Variants in POU6F1 observed in about 807,000 individuals in gnomAD.
The protein encoded by POU6F1 is POU domain, class 6, transcription factor 1.
POU6F1 carries 9 observed loss-of-function variants against 28.9 expected under a neutral mutation model. The observed-to-expected ratio is 0.31, with a 90% CI of 0.19 to 0.54. The LOEUF (loss-of-function observed/expected upper bound fraction) is 0.54, where lower values mean the gene tolerates loss of function less well. Ranked by LOEUF, POU6F1 falls within the 20% of genes least tolerant of loss-of-function variation. The pLI, the probability that POU6F1 is intolerant of heterozygous loss-of-function variation, is 0.94. For missense variants in POU6F1, 338 were observed against 426.1 expected (o/e 0.79, Z 1.82); for synonymous variants, 173 against 171.1 (o/e 1.01, Z -0.09).
At chr12:51,204,584 G>A (rs1943452570) in intron 2 of POU6F1, among the ~76,000 whole-genome samples, 1 of 152,190 alleles carries the variant, frequency 6.6e-6, no homozygotes, top group African/African-American at 2.4e-5. Flanking sequence ...AGGCCCTGGT[G>A]ACAGGGAGAA....
In POU6F1 at chr12:51,190,026, C is replaced by T. The variant is rs987208824; in HGVS notation, c.*221G>A. The T allele has an allele frequency of 7.8e-6, 6 of 770,850 alleles. No homozygotes were observed. The highest frequency in any genetic ancestry group is 1.8e-5 in the African/African-American group (1 of 56,936). The allele number at this position is 770,850 out of a possible 1,614,324, so 47.8% of individuals were successfully genotyped here. Reference sequence around the variant, plus strand: ...ATCCTCTTCTTCGGAGTGACCAGCCCAGAGCCTGGAGCTCTCGTGTGGCCC... The same window carrying T: ...ATCCTCTTCTTCGGAGTGACCAGCCTAGAGCCTGGAGCTCTCGTGTGGCCC... On this transcript the variant is annotated 3_prime_UTR_variant, in exon 11 of 11. Coordinates refer to ENST00000333640, the MANE Select transcript of POU6F1 (RefSeq NM_001330422.2). This position sits in a 1 kb window ranked among gnomAD's most constrained non-coding sequence, Gnocchi z 4.5.
chr12:51,194,658 A>AAAAAAAG (rs745776880), intron 8 of POU6F1, among the ~76,000 whole-genome samples: 1 of 146,326 alleles, frequency 6.8e-6, no homozygotes. Context: ...AAAAAAAAAA[A>AAAAAAAG]GCTCATCTGG....
At chr12:51,208,666 A>C (rs1943787392) in intron 1 of POU6F1, among the ~76,000 whole-genome samples, 1 of 152,160 alleles carries the variant, frequency 6.6e-6, no homozygotes, top group Admixed American at 6.5e-5. Flanking sequence ...TGCCCATATA[A>C]AAAAGAACCA....
rs2137085636 is a variant in POU6F1, at chr12:51,190,491, T to C, written c.1592A>G (p.Gln531Arg). The change falls in exon 11 of 11, where the codon CAG becomes CGG. Residue 531 changes from glutamine to arginine, a missense_variant. Physicochemically the swap from Gln to Arg is conservative, Grantham distance 43 (BLOSUM62 1). Transcript: ENST00000333640. This position sits in a 1 kb window ranked among gnomAD's most constrained non-coding sequence, Gnocchi z 4.5. The stretch of plus-strand genomic sequence containing the variant: ...GCCTCCCACAAACTCCATCAGGTTC[T>C]GCTGGCCTTCCTGGTTCCGCAGTTC... ...EAELRNQEGQ[Q>R]NLMEFVGGEP... is the part of the protein sequence containing the mutation. 6.2e-7 allele frequency: 1 copy of C among 1,614,204 alleles called. No homozygotes were observed. Among genetic ancestry groups the C allele is most frequent in the Non-Finnish European group, 8.5e-7 (1 of 1,180,030 alleles).
Position 51,189,203 on chromosome 12 carries a change from C to T in POU6F1, c.*1044G>A, listed in dbSNP as rs1942237708. ...CCTTCCTGGGCTCCATCATTTATTT[C>T]AGGATGTTGTCCTTTCCCCCAGGGC... On this transcript the variant is annotated 3_prime_UTR_variant, in exon 11 of 11. Coordinates refer to ENST00000333640, the MANE Select transcript of POU6F1 (RefSeq NM_001330422.2). 6.6e-6 allele frequency: 1 copy of T among 152,200 alleles called. No homozygotes were observed. Among genetic ancestry groups the T allele is most frequent in the Non-Finnish European group, 1.5e-5 (1 of 68,042 alleles). 9.4% of individuals were successfully genotyped at this position (152,200 alleles called of 1,614,324 possible).
chr12:51,212,080 T>G (rs1233241474), intron 1 of POU6F1, among the ~76,000 whole-genome samples: 1 of 148,444 alleles, frequency 6.7e-6, no homozygotes, highest in Non-Finnish European at 1.5e-5. Context: ...TTTTGTTTTT[T>G]TTGTTTTGTT....
chr12:51,197,221 T>A (rs1159088686), intron 6 of POU6F1, among the ~76,000 whole-genome samples: 2 of 150,284 alleles, frequency 1.3e-5, no homozygotes, highest in African/African-American at 2.5e-5. Flanking sequence ...GGCTGGATGG[T>A]TTCCAGGGCT....
Position 51,196,166 on chromosome 12 carries a change from C to T in POU6F1, c.983G>A (p.Gly328Glu). 1 of 1,513,296 alleles carries T rather than the reference C, an allele frequency of 6.6e-7. No individual in the cohort carries two copies. The highest frequency in any genetic ancestry group is 8.8e-7 in the Non-Finnish European group (1 of 1,133,658). 93.7% of individuals were successfully genotyped at this position (1,513,296 alleles called of 1,614,324 possible). The change falls in exon 8 of 11, where the codon GGA becomes GAA. Residue 328 changes from glycine (G) to glutamate (E), a missense_variant. Physicochemically the swap from Gly to Glu is moderately conservative, Grantham distance 98. Coordinates refer to ENST00000333640, the MANE Select transcript of POU6F1 (RefSeq NM_001330422.2). Reference sequence around the variant, plus strand: ...TGAGTTCACTACCCATGGAAGGGTTCCAATAACCTGGGAGGAAATAAGGCA... The same window carrying T: ...TGAGTTCACTACCCATGGAAGGGTTTCAATAACCTGGGAGGAAATAAGGCA... ...ILTNAQGQVI[G>E]TLPWVVNSAS...
intron 6 of POU6F1, 94 bp downstream of exon 6, chr12:51,197,676 G>A (rs1942927640): frequency 2.5e-6 from 1 of 398,852 alleles, no homozygotes; most frequent in South Asian, 1.3e-4. Context: ...GTTTTCGGGG[G>A]GGGCTCGTCC....
At chr12:51,196,743 C>G in intron 7 of POU6F1, 56 bp downstream of exon 7, 1 of 1,600,076 alleles carries the variant, frequency 6.2e-7, no homozygotes, top group Non-Finnish European at 8.6e-7. Context: ...TGGCCGCCAT[C>G]CCCTGGCCAG....
At chr12:51,195,567 G>T (rs995519589) in intron 8 of POU6F1, among the ~76,000 whole-genome samples, 1 of 152,134 alleles carries the variant, frequency 6.6e-6, no homozygotes, top group East Asian at 1.9e-4. Context: ...TCAAAGCCAC[G>T]GTGCAGAGTG....
chr12:51,208,110 C>A (rs1390293720), intron 1 of POU6F1, among the ~76,000 whole-genome samples: 46 of 136,476 alleles, frequency 3.4e-4, no homozygotes, highest in African/African-American at 3.3e-4. Flanking sequence ...CTGTCTGTAC[C>A]AAAAAAAAAA....
rs767941840 is a variant in POU6F1, at chr12:51,196,081, C to G, written c.1068G>C (p.Gln356His). The change falls in exon 8 of 11, where the codon CAG (glutamine) becomes CAC (histidine). Residue 356 changes from glutamine (Q) to histidine (H), a missense_variant. Gln to His is a conservative substitution (Grantham distance 24). This residue lies in a region of POU6F1 where 206 missense variants were observed against 225.6 expected (regional missense o/e 0.91). Transcript: ENST00000333640. ...CCTGGCCCTGGGCGTTCAACAACAG[C>G]TGGGGGGTCACGGCCTGGACCTGCA... ...QSLQVQAVTP[Q>H]LLLNAQGQVI... 13 of 1,606,652 alleles carry G rather than the reference C, an allele frequency of 8.1e-6. No individual in the cohort carries two copies. Among genetic ancestry groups the G allele is most frequent in the Non-Finnish European group, 1.0e-5 (12 of 1,177,224 alleles).
At position 51,194,507 on chromosome 12, in the gene POU6F1, G is replaced by A. The variant is rs143100243; in HGVS notation, c.1179+1463C>T. Among the ~76,000 whole-genome samples, 227 of 152,062 alleles carry A rather than the reference G, an allele frequency of 1.5e-3. 2 individuals are homozygous for A. Among genetic ancestry groups the A allele is most frequent in the African/African-American group, 5.2e-3 (215 of 41,504 alleles). On this transcript the variant is annotated intron_variant, in intron 8 of 10. Coordinates refer to ENST00000333640, the MANE Select transcript of POU6F1 (RefSeq NM_001330422.2). ...CATACAAAAATTAGCCAGGTGTGGT[G>A]GTGCACACCTGTAGTCCCAGCTACC...
At position 51,195,943 on chromosome 12, in the gene POU6F1, ACCCCCCACCC is replaced by A; in HGVS notation, c.1179+17_1179+26del. 1 of 155,028 alleles carries A rather than the reference ACCCCCCACCC, an allele frequency of 6.5e-6. No individual in the cohort carries two copies. 9.6% of individuals were successfully genotyped at this position (155,028 alleles called of 1,614,324 possible). On this transcript the variant is annotated intron_variant, in intron 8 of 10. Transcript: ENST00000333640. ...GGTGCCAGATAGCAGAGCCTGCCCC[ACCCCCCACCC>A]CCCCCAGCCCCTGTACCTCACTCTT...
intron 1 of POU6F1, among the ~76,000 whole-genome samples, chr12:51,212,863 TAA>T (rs1359303531): frequency 6.6e-6 from 1 of 151,114 alleles, no homozygotes; most frequent in Non-Finnish European, 1.5e-5. Context: ...ACAGTATGCT[TAA>T]GTTTCATGGT....
chr12:51,214,161 A>T (rs1019174626), intron 1 of POU6F1, among the ~76,000 whole-genome samples: 3 of 151,656 alleles, frequency 2.0e-5, no homozygotes, highest in African/African-American at 7.3e-5. Flanking sequence ...AATAAATAAA[A>T]ATAAATAAAT....
chr12:51,215,329 C>A (rs1230336660), intron 1 of POU6F1, among the ~76,000 whole-genome samples: 7 of 151,200 alleles, frequency 4.6e-5, no homozygotes, highest in Admixed American at 4.6e-4. Context: ...CCGAGGCGGG[C>A]GGATTACTTG....
At position 51,194,143 on chromosome 12, in the gene POU6F1, C is replaced by A. The variant is rs533371756; in HGVS notation, c.1180-1672G>T. 2.0e-4 allele frequency among the ~76,000 whole-genome samples: 30 copies of A among 152,254 alleles called. No individual in the cohort carries two copies. The South Asian group carries it at 5.2e-3, about 26-fold the overall frequency. ...CCGGGTTCAAGCAATTCTCCTACCT[C>A]GGCCTCCCAAGTAGCTAGGATTACA... On this transcript the variant is annotated intron_variant, in intron 8 of 10. Transcript: ENST00000333640.
Sources: allele counts gnomAD v4.1 joint callset (sites outside exome capture counted in the v4.1 genomes callset), GRCh38; gene constraint gnomAD v4.1.1; regional missense constraint gnomAD v4.1.1; non-coding constraint Gnocchi (gnomAD v3.1); transcripts MANE v1.5; gene names NCBI Gene and HGNC (gene_info 2026-07-23, HGNC 2026-07-21).